The following ADK variants were observed in gnomAD, a reference collection of about 807,000 sequenced individuals.
The protein encoded by ADK is adenosine kinase.
A neutral mutation model predicts 44.7 loss-of-function variants in ADK; 24 were observed. The ratio of observed to expected loss-of-function variants is 0.54; its 90% CI spans 0.39 to 0.76. The LOEUF (loss-of-function observed/expected upper bound fraction) is 0.76, where lower values mean the gene tolerates loss of function less well. Ranked by LOEUF, ADK falls within the 30% of genes least tolerant of loss-of-function variation. ADK has a pLI of 0.00. For synonymous variants in ADK, 128 were observed against 142.6 expected (o/e 0.90, Z 0.73); for missense variants, 321 against 425.1 (o/e 0.76, Z 2.15).
intron 3 of ADK, among the ~76,000 whole-genome samples, chr10:74,243,071 G>A (rs1014658032): frequency 3.9e-5 from 6 of 152,202 alleles, no homozygotes; most frequent in Non-Finnish European, 5.9e-5. Context: ...CTTTGCCCTC[G>A]CTGGCGGAGG....
intron 3 of ADK, among the ~76,000 whole-genome samples, chr10:74,312,086 A>T (rs556709678): frequency 6.6e-6 from 1 of 152,248 alleles, no homozygotes; most frequent in African/African-American, 2.4e-5. Context: ...GAATCACTTG[A>T]ACCAGGGAGT....
intron 6 of ADK, 87 bp downstream of exon 6, chr10:74,398,666 C>G (rs1843607735): frequency 1.4e-6 from 1 of 693,100 alleles, no homozygotes; most frequent in South Asian, 2.2e-5. Context: ...AAATAATTAT[C>G]TTTTATTTAC....
chr10:74,326,597 C>A (rs1287944903), intron 4 of ADK, among the ~76,000 whole-genome samples: 7 of 151,962 alleles, frequency 4.6e-5, no homozygotes, highest in African/African-American at 1.7e-4. Context: ...GGCAACAGAG[C>A]AAGACCCTGT....
At chr10:74,400,482 G>T in intron 6 of ADK, among the ~76,000 whole-genome samples, 1 of 152,132 alleles carries the variant, frequency 6.6e-6, no homozygotes, top group East Asian at 1.9e-4. Flanking sequence ...ACTTCCTTTT[G>T]AAATACAATG....
intron 2 of ADK, among the ~76,000 whole-genome samples, chr10:74,206,168 T>A (rs1438046824): frequency 6.6e-6 from 1 of 152,222 alleles, no homozygotes; most frequent in Non-Finnish European, 1.5e-5. Flanking sequence ...AATTTTATCG[T>A]GTATTTCAAA....
At chr10:74,596,827 A>G (rs1030757976) in intron 8 of ADK, among the ~76,000 whole-genome samples, 1 of 152,172 alleles carries the variant, frequency 6.6e-6, no homozygotes, top group Non-Finnish European at 1.5e-5. Context: ...GATTACAGGC[A>G]TGAGCCACCA....
At chr10:74,213,569 T>C (rs1843906029) in intron 2 of ADK, among the ~76,000 whole-genome samples, 1 of 152,010 alleles carries the variant, frequency 6.6e-6, no homozygotes, top group African/African-American at 2.4e-5. Flanking sequence ...GGCTGGAAGC[T>C]AGAACATTTA....
At chr10:74,340,953 T>C (rs192852151) in intron 4 of ADK, among the ~76,000 whole-genome samples, 5 of 152,332 alleles carry the variant, frequency 3.3e-5, no homozygotes, top group African/African-American at 9.6e-5. Context: ...CCTCATAAAA[T>C]ATGAAAATAC....
chr10:74,661,986 A>G (rs12775085), intron 9 of ADK, among the ~76,000 whole-genome samples: 2 of 152,212 alleles, frequency 1.3e-5, no homozygotes, highest in Non-Finnish European at 2.9e-5. Flanking sequence ...TAATGAGCTC[A>G]CAGCTATTGT....
intron 6 of ADK, among the ~76,000 whole-genome samples, chr10:74,455,339 TA>T (rs1219178021): frequency 6.6e-6 from 1 of 151,682 alleles, no homozygotes; most frequent in Admixed American, 6.6e-5. Context: ...CCCCATCTCT[TA>T]AAAAAAATAA....
At chr10:74,579,069 A>G (rs914535858) in intron 7 of ADK, among the ~76,000 whole-genome samples, 2 of 152,018 alleles carry the variant, frequency 1.3e-5, no homozygotes, top group African/African-American at 4.8e-5. Context: ...CCCCATCTCT[A>G]CTGAAAATAC....
chr10:74,394,106 T>G, intron 4 of ADK, 35 bp from the exon 5 acceptor site: 4 of 1,608,154 alleles, frequency 2.5e-6, no homozygotes, highest in Non-Finnish European at 1.7e-6. Context: ...ACCATTTTTT[T>G]GCCCCATTAA....
At chr10:74,581,055 C>CACGT (rs1554884073) in intron 7 of ADK, among the ~76,000 whole-genome samples, 3 of 143,916 alleles carry the variant, frequency 2.1e-5, no homozygotes, top group African/African-American at 7.9e-5. Context: ...CACACACACA[C>CACGT]GTATATATAA....
chr10:74,272,628 A>G (rs2132414044), intron 3 of ADK, among the ~76,000 whole-genome samples: 1 of 152,328 alleles, frequency 6.6e-6, no homozygotes, highest in East Asian at 1.9e-4. Context: ...ATAAATGCTT[A>G]ATTTTATAAC....
intron 9 of ADK, chr10:74,655,489 G>C: frequency 2.1e-6 from 1 of 483,840 alleles, no homozygotes; most frequent in Admixed American, 2.4e-5. Flanking sequence ...CTGTGCAGCT[G>C]CCACTGGCTC....
At chr10:74,364,567 T>A (rs1188601952) in intron 4 of ADK, among the ~76,000 whole-genome samples, 1 of 152,162 alleles carries the variant, frequency 6.6e-6, no homozygotes, top group Non-Finnish European at 1.5e-5. Context: ...TGATACCTTT[T>A]CCCTCAGGTT....
chr10:74,672,592 GGT>G (rs1306151647), intron 10 of ADK, among the ~76,000 whole-genome samples: 26 of 152,066 alleles, frequency 1.7e-4, no homozygotes, highest in Admixed American at 5.2e-4. Context: ...CAGTTCCCAG[GGT>G]AATCAGATCC....
chr10:74,603,396 A>G (rs1285110879), intron 9 of ADK, among the ~76,000 whole-genome samples: 1 of 151,960 alleles, frequency 6.6e-6, no homozygotes, highest in African/African-American at 2.4e-5. Context: ...TCCTAATGCT[A>G]TCCCTCCCTG....
At chr10:74,574,343 G>A (rs1851100836) in intron 7 of ADK, among the ~76,000 whole-genome samples, 2 of 151,698 alleles carry the variant, frequency 1.3e-5, no homozygotes, top group South Asian at 2.1e-4. Flanking sequence ...GTTAATTTTT[G>A]TATTTTTAGT....
Sources: allele counts gnomAD v4.1 joint callset (sites outside exome capture counted in the v4.1 genomes callset), GRCh38; gene constraint gnomAD v4.1.1; transcripts MANE v1.5; gene names NCBI Gene and HGNC (gene_info 2026-07-23, HGNC 2026-07-21).